The following ZNF517 variants were observed in gnomAD, a reference collection of about 807,000 sequenced individuals.
The protein encoded by ZNF517 is zinc finger protein 517.
ZNF517 carries 12 observed loss-of-function variants against 12.1 expected under a neutral mutation model. The observed-to-expected ratio is 0.99, with a 90% confidence interval of 0.63 to 1.61. ZNF517 has a LOEUF of 1.61. ZNF517 is among the 40% of genes most tolerant of loss of function. The pLI is 0.00. For missense variants in ZNF517, 781 were observed against 693.2 expected (o/e 1.13, Z -1.42); for synonymous variants, 388 against 310.2 (o/e 1.25, Z -2.63).
At position 144,809,958 on chromosome 8, in the gene ZNF517, CAGG is replaced by C. The variant is rs1827496924; in HGVS notation, c.*1566_*1568del. The C allele has an allele frequency of 1.4e-5, 6 of 427,662 alleles. No homozygotes were observed. The highest frequency in any genetic ancestry group is 2.1e-5 in the Non-Finnish European group (5 of 238,508). The allele number at this position is 427,662 out of a possible 1,614,324, so 26.5% of individuals were successfully genotyped here. ...ATCCCAGCTACTCGGGAGGCTGAAG[CAGG>C]AGAATCACTTCAACCTGGGAGGTAG... On this transcript the variant is annotated 3_prime_UTR_variant, in exon 5 of 5. Coordinates refer to ENST00000359971, the MANE Select transcript of ZNF517 (RefSeq NM_213605.3).
chr8:144,802,811 G>A (rs552720201), intron 1 of ZNF517, 59 bp from the exon 2 acceptor site: 6 of 1,598,996 alleles, frequency 3.8e-6, no homozygotes, highest in East Asian at 2.2e-5. Flanking sequence ...GGGGCCTTCT[G>A]GGGGGCTGGA....
intron 1 of ZNF517, among the ~76,000 whole-genome samples, chr8:144,801,280 G>A (rs1407997560): frequency 1.3e-5 from 2 of 152,316 alleles, no homozygotes; most frequent in African/African-American, 4.8e-5. Context: ...GAAGGGAAGA[G>A]TGAGGAGAAC....
chr8:144,799,887 C>T (rs1826871606), intron 1 of ZNF517, among the ~76,000 whole-genome samples: 1 of 152,214 alleles, frequency 6.6e-6, no homozygotes, highest in Non-Finnish European at 1.5e-5. Context: ...TTGCAGTGAG[C>T]CGAGATCGCG....
Position 144,807,437 on chromosome 8 carries a change from C to T in ZNF517, c.521C>T (p.Ser174Leu). 6.4e-7 allele frequency: 1 copy of T among 1,571,858 alleles called. No homozygotes were observed. Among genetic ancestry groups the T allele is most frequent in the Non-Finnish European group, 8.6e-7 (1 of 1,159,208 alleles). Residue 174 changes from serine (S) to leucine (L), a missense_variant, in exon 5 of 5, where the codon TCA becomes TTA. By Grantham distance (145) the Ser-to-Leu change is moderately radical. Coordinates refer to ENST00000359971, the MANE Select transcript of ZNF517 (RefSeq NM_213605.3). The stretch of plus-strand genomic sequence containing the variant: ...GACCTGGGCCGGCCTGTGGGGAGCT[C>T]AGCCCCCCGCTACAGGTGCGTGTGC... ...QEDLGRPVGS[S>L]APRYRCVCGK... is the part of the protein sequence containing the mutation.
chr8:144,813,044 G>A (rs1229588938), downstream of ZNF517, among the ~76,000 whole-genome samples: 5 of 152,034 alleles, frequency 3.3e-5, no homozygotes, highest in African/African-American at 1.2e-4. Context: ...GAGGCTGGGC[G>A]CAGTGGCTCA....
Position 144,807,925 on chromosome 8 carries a change from C to A in ZNF517, c.1009C>A (p.Arg337=). The change falls in exon 5 of 5, where the codon CGG becomes AGG. Residue 337 remains arginine (R), a synonymous_variant. Transcript: ENST00000359971. The part of the protein sequence containing the change: ...IRGSSLLKHH[R]LHAQEGAQDG... ...AGGGTCCTCGCTCCTGAAGCACCAC[C>A]GGCTGCACGCGCAGGAGGGTGCCCA... The A allele has an allele frequency of 6.6e-7, 1 of 1,513,226 alleles. No homozygotes were observed. Among genetic ancestry groups the A allele is most frequent in the Non-Finnish European group, 8.8e-7 (1 of 1,134,928 alleles). The allele number at this position is 1,513,226 out of a possible 1,614,324, so 93.7% of individuals were successfully genotyped here.
In ZNF517 at chr8:144,807,526, C is replaced by G. The variant is rs1429236510; in HGVS notation, c.610C>G (p.Pro204Ala). The G allele has an allele frequency of 1.9e-6, 3 of 1,595,074 alleles. No homozygotes were observed. The African/African-American group carries it at 4.0e-5, about 21-fold the overall frequency. ...CCAGATCATCCACACCGGCGCCAAG[C>G]CCTTCCAGTGCACAGAGTGCGGGAA... ...RHQIIHTGAK[P>A]FQCTECGKAF... Residue 204 changes from proline (P) to alanine (A), a missense_variant, in exon 5 of 5, where the codon CCC becomes GCC. Transcript: ENST00000359971.
intron 1 of ZNF517, among the ~76,000 whole-genome samples, chr8:144,802,014 C>T (rs1032820197): frequency 2.0e-5 from 3 of 152,030 alleles, no homozygotes; most frequent in Admixed American, 2.0e-4. Flanking sequence ...GCCTGGGTCA[C>T]GCATTGAGAC....
In ZNF517 at chr8:144,809,924, G is replaced by C. The variant is rs973325746; in HGVS notation, c.*1529G>C. On this transcript the variant is annotated 3_prime_UTR_variant, in exon 5 of 5. Coordinates refer to ENST00000359971, the MANE Select transcript of ZNF517 (RefSeq NM_213605.3). ...AAAAAGTAGCTGGGTGTGGTGCTGG[G>C]TGCCTGTAATCCCAGCTACTCGGGA... 2.5e-6 allele frequency: 1 copy of C among 403,178 alleles called. No homozygotes were observed. Among genetic ancestry groups the C allele is most frequent in the Non-Finnish European group, 4.5e-6 (1 of 224,476 alleles). 25.0% of individuals were successfully genotyped at this position (403,178 alleles called of 1,614,324 possible). A position where few individuals can be genotyped will look rare whatever the true frequency, so the allele number is the denominator to read the frequency against.
rs115671984 is a variant in ZNF517, at chr8:144,805,082, C to T, written c.274+844C>T. ...ACTACCCTGGGGAAAGGAAGACTCC[C>T]TTTCCAGGTCTGCTATGTAACTAGT... On this transcript the variant is annotated intron_variant, in intron 4 of 4. Coordinates refer to ENST00000359971, the MANE Select transcript of ZNF517 (RefSeq NM_213605.3). Among the ~76,000 whole-genome samples the T allele has an allele frequency of 3.2e-3, 492 of 152,356 alleles. 6 individuals are homozygous for T. Among genetic ancestry groups the T allele is most frequent in the African/African-American group, 7.1e-3 (297 of 41,592 alleles).
intron 2 of ZNF517, 68 bp downstream of exon 2, chr8:144,803,015 CCT>C (rs1827044472): frequency 1.9e-6 from 3 of 1,599,518 alleles, no homozygotes; most frequent in Non-Finnish European, 2.6e-6. Flanking sequence ...GCTTTTCAGC[CCT>C]GAGAACCTTA....
intron 1 of ZNF517, among the ~76,000 whole-genome samples, chr8:144,801,992 C>G (rs1220884149): frequency 6.6e-6 from 1 of 152,110 alleles, no homozygotes; most frequent in African/African-American, 2.4e-5. Flanking sequence ...GAGATCACAC[C>G]ACTGCGCTCC....
chr8:144,802,112 A>C (rs912605703), intron 1 of ZNF517, among the ~76,000 whole-genome samples: 4 of 152,216 alleles, frequency 2.6e-5, no homozygotes, highest in Non-Finnish European at 5.9e-5. Context: ...GTTTTATGCT[A>C]CCAGCTTTAT....
chr8:144,803,867 G>T, intron 3 of ZNF517, 100 bp downstream of exon 3: 1 of 1,504,088 alleles, frequency 6.6e-7, no homozygotes. Context: ...ACACATTTTT[G>T]AGGGGAAGCT....
downstream of ZNF517, chr8:144,810,773 A>T (rs1827531346): frequency 6.5e-6 from 1 of 154,506 alleles, no homozygotes; most frequent in African/African-American, 2.4e-5. Flanking sequence ...CGGGAATAAC[A>T]CTTCCTTTGG....
rs1827034296 is a variant in ZNF517 at position 144,802,856 on chromosome 8, C to G, written c.-45-14C>G. ...GCCTGGGCTCTTTCCACTCATGGCTCTATGTTCCCTCAGAATTCACTGTCT... is the reference window on the plus strand; with the variant it reads ...GCCTGGGCTCTTTCCACTCATGGCTGTATGTTCCCTCAGAATTCACTGTCT... On this transcript the variant is annotated splice_polypyrimidine_tract_variant and intron_variant, in intron 1 of 4. Transcript: ENST00000359971. 1.2e-6 allele frequency: 2 copies of G among 1,613,288 alleles called. No individual in the cohort carries two copies. Among genetic ancestry groups the G allele is most frequent in the Non-Finnish European group, 8.5e-7 (1 of 1,179,746 alleles).
intron 2 of ZNF517, 111 bp downstream of exon 2, chr8:144,803,058 G>T: frequency 7.1e-7 from 1 of 1,398,784 alleles, no homozygotes. Context: ...CACATCACAG[G>T]ATGGAGTCTG....
chr8:144,812,991 C>A (rs1348114696), downstream of ZNF517, among the ~76,000 whole-genome samples: 1 of 152,032 alleles, frequency 6.6e-6, no homozygotes, highest in African/African-American at 2.4e-5. Context: ...TTTACAATAG[C>A]TACCAAAACC....
Position 144,808,306 on chromosome 8 carries a change from C to T in ZNF517, c.1390C>T (p.Leu464=), listed in dbSNP as rs1218826039. The stretch of plus-strand genomic sequence containing the variant: ...CGCCTGCGGGAGGGCCTGCAGCCGG[C>T]TGTCCACCCTCATCCAGCACCAGAA... ...CRACGRACSR[L]STLIQHQKVH... Residue 464 remains leucine (L), a synonymous_variant, in exon 5 of 5, where the codon CTG becomes TTG. Coordinates refer to ENST00000359971, the MANE Select transcript of ZNF517 (RefSeq NM_213605.3). The T allele has an allele frequency of 6.5e-7, 1 of 1,532,778 alleles. No homozygotes were observed. Among genetic ancestry groups the T allele is most frequent in the Admixed American group, 2.0e-5 (1 of 50,388 alleles). The allele number at this position is 1,532,778 out of a possible 1,614,324, so 94.9% of individuals were successfully genotyped here. A position where few individuals can be genotyped will look rare whatever the true frequency, so the allele number is the denominator to read the frequency against.
Sources: gnomAD v4.1 joint callset for allele counts (sites outside exome capture counted in the v4.1 genomes callset) on GRCh38, gnomAD v4.1.1 for gene constraint, MANE v1.5 for transcripts, NCBI Gene and HGNC (gene_info 2026-07-23, HGNC 2026-07-21) for gene names.